CACNA1A: variants seen among roughly 807,000 people sequenced by gnomAD.
CACNA1A encodes the protein calcium voltage-gated channel subunit alpha1 A.
Under a neutral mutation model 262.4 loss-of-function variants are expected in CACNA1A, and 57 were observed. The observed-to-expected ratio is 0.22, with a 90% CI of 0.18 to 0.27. CACNA1A has a LOEUF of 0.27. Ranked by LOEUF, CACNA1A falls within the 10% of genes least tolerant of loss-of-function variation. CACNA1A has a pLI of 1.00. For missense variants in CACNA1A, 2,526 were observed against 3,562.8 expected (o/e 0.71, Z 7.41); for synonymous variants, 1,431 against 1,419.3 (o/e 1.01, Z -0.18).
intron 1 of CACNA1A, among the ~76,000 whole-genome samples, chr19:13,457,553 A>C (rs1006662581): frequency 9.9e-5 from 15 of 152,198 alleles, no homozygotes; most frequent in South Asian, 4.1e-4. Flanking sequence ...ATTCAGCCAT[A>C]AAAAGGAATG....
rs1424294725 is a variant in CACNA1A at position 13,298,631 on chromosome 19, C to G, written c.3002G>C (p.Arg1001Pro). 3 of 1,526,744 alleles carry G rather than the reference C, an allele frequency of 2.0e-6. No individual in the cohort carries two copies. The East Asian group carries it at 8.1e-5, about 41-fold the overall frequency. 94.6% of individuals were successfully genotyped at this position (1,526,744 alleles called of 1,614,324 possible). ...GEGEGPDGGE[R>P]RRRHRHGAPA... is the part of the protein sequence containing the mutation. ...AGCGCCATGCCGGTGCCTTCTCCTG[C>G]GCTCGCCCCCGTCGGGGCCCTCGCC... The change falls in exon 19 of 47, where the codon CGC becomes CCC. Residue 1001 changes from arginine (R) to proline (P), a missense_variant. Arg to Pro is a moderately radical substitution (Grantham distance 103). Coordinates refer to ENST00000360228, the MANE Select transcript of CACNA1A (RefSeq NM_001127222.2).
intron 33 of CACNA1A, 85 bp downstream of exon 33, chr19:13,235,124 G>T: frequency 6.4e-7 from 1 of 1,551,152 alleles, no homozygotes; most frequent in South Asian, 1.1e-5. Flanking sequence ...CTGCTTCTGT[G>T]AACCAGGCTC....
At chr19:13,350,719 C>A (rs1053840646) in intron 6 of CACNA1A, among the ~76,000 whole-genome samples, 4 of 151,846 alleles carry the variant, frequency 2.6e-5, no homozygotes, top group African/African-American at 4.9e-5. Flanking sequence ...AAAAAAAATT[C>A]TGGGCTGGTC....
At chr19:13,252,310 G>A (rs145451791) in intron 30 of CACNA1A, among the ~76,000 whole-genome samples, 2,154 of 152,008 alleles carry the variant, frequency 0.014, 14 homozygotes, top group Non-Finnish European at 0.016. Flanking sequence ...CTAGCTTCAA[G>A]CGATCCTCCT....
rs1243294971 is a variant in CACNA1A at position 13,496,304 on chromosome 19, G to C, written c.293+9628C>G. Reference sequence around the variant, plus strand: ...TAAGACCCAAACACTCCATGTCCTTGTAAGGCCCTCAGAGAAGCTAACCTA... The same window carrying C: ...TAAGACCCAAACACTCCATGTCCTTCTAAGGCCCTCAGAGAAGCTAACCTA... On this transcript the variant is annotated intron_variant, in intron 1 of 46. Transcript: ENST00000360228. Among the ~76,000 whole-genome samples, 3 of 152,174 alleles carry C rather than the reference G, an allele frequency of 2.0e-5. No individual in the cohort carries two copies. The East Asian group carries it at 5.8e-4, about 29-fold the overall frequency.
At chr19:13,229,207 T>C (rs576490387) in intron 36 of CACNA1A, 182 of 156,336 alleles carry the variant, frequency 1.2e-3, no homozygotes, top group Non-Finnish European at 2.1e-3. Flanking sequence ...GGAGTACTTG[T>C]TTGAGGCTAT....
chr19:13,283,472 GT>G, intron 21 of CACNA1A, 76 bp from the exon 22 acceptor site: 1 of 1,569,576 alleles, frequency 6.4e-7, no homozygotes, highest in Non-Finnish European at 8.7e-7. Flanking sequence ...ATAATCTCAT[GT>G]TACCTACCAC....
At chr19:13,303,662 G>T in intron 16 of CACNA1A, 49 bp from the exon 17 acceptor site, 1 of 1,590,062 alleles carries the variant, frequency 6.3e-7, no homozygotes, top group Non-Finnish European at 8.6e-7. Flanking sequence ...GACACCACTT[G>T]GGCCCTGGGT....
chr19:13,482,284 G>C (rs566915637), intron 1 of CACNA1A, among the ~76,000 whole-genome samples: 1 of 152,026 alleles, frequency 6.6e-6, no homozygotes, highest in Admixed American at 6.5e-5. Flanking sequence ...AGGAGATCGA[G>C]ACCATCCTGG....
At chr19:13,364,480 C>CA (rs1309616007) in intron 5 of CACNA1A, 1 of 152,202 alleles carries the variant, frequency 6.6e-6, no homozygotes, top group Admixed American at 6.5e-5. Context: ...TGAAAGCACC[C>CA]AGAATACCTG....
intron 4 of CACNA1A, 120 bp downstream of exon 4, chr19:13,371,568 A>C (rs1212886651): frequency 2.8e-6 from 2 of 707,590 alleles, no homozygotes; most frequent in Non-Finnish European, 4.9e-6. Flanking sequence ...CCCAAAGAAG[A>C]GACTGCCCTC....
chr19:13,214,415 G>T lies in CACNA1A; in HGVS notation c.5840-82C>A, dbSNP rs17846925. 3.0e-5 allele frequency: 46 copies of T among 1,546,714 alleles called. 1 individual carries two copies. Among genetic ancestry groups the T allele is most frequent in the East Asian group, 2.7e-4 (12 of 44,086 alleles). On this transcript the variant is annotated intron_variant, in intron 39 of 46. Transcript: ENST00000360228. This position sits in a 1 kb window ranked among gnomAD's most constrained non-coding sequence, Gnocchi z 4.1. ...CTGGGTCCCTGTGTATACCAGCCCA[G>T]GCCAACACTCTCCCCAGGCCTCCCC... is the stretch of plus-strand genomic sequence containing the variant.
Position 13,253,100 on chromosome 19 carries a change from A to T in CACNA1A, c.4757T>A (p.Phe1586Tyr), listed in dbSNP as rs772515380. 3 of 1,600,272 alleles carry T rather than the reference A, an allele frequency of 1.9e-6. 1 individual carries two copies. In the South Asian group the frequency reaches 3.3e-5, roughly 18 times the overall value. ...TTCATAAGCAACAGAAGCCCCATAG[A>T]ACTAGGGGAAAGAAGCAGGAGTAGC... ...ALNTIVLMMK[F>Y]YGASVAYENA... The change falls in exon 30 of 47, where the codon TTC becomes TAC. Residue 1586 changes from phenylalanine (F) to tyrosine (Y), a missense_variant and splice_region_variant. This residue lies in a region of CACNA1A where 66 missense variants were observed against 195.8 expected (regional missense o/e 0.34). Coordinates refer to ENST00000360228, the MANE Select transcript of CACNA1A (RefSeq NM_001127222.2).
Position 13,308,334 on chromosome 19 carries a change from T to C in CACNA1A, c.1781+82A>G. 3 of 1,558,784 alleles carry C rather than the reference T, an allele frequency of 1.9e-6. No individual in the cohort carries two copies. Among genetic ancestry groups the C allele is most frequent in the African/African-American group, 1.4e-5 (1 of 73,878 alleles). On this transcript the variant is annotated intron_variant, in intron 13 of 46. Transcript: ENST00000360228. The surrounding 1 kb of genome is among the most constrained non-coding windows in gnomAD (Gnocchi z 4.2). Reference sequence around the variant, plus strand: ...TCAGCCCTCGAAACACGAGGCTCACTTTCCCAACTTTCTGGAGGCGGCCCC... The same window carrying C: ...TCAGCCCTCGAAACACGAGGCTCACCTTCCCAACTTTCTGGAGGCGGCCCC...
At chr19:13,265,241 G>A (rs970026382) in intron 24 of CACNA1A, among the ~76,000 whole-genome samples, 4 of 152,316 alleles carry the variant, frequency 2.6e-5, no homozygotes, top group South Asian at 4.1e-4. Flanking sequence ...CTCAGGACAC[G>A]TGAATGCCTC....
chr19:13,342,411 G>C (rs764791438), intron 6 of CACNA1A, among the ~76,000 whole-genome samples: 3 of 152,216 alleles, frequency 2.0e-5, no homozygotes, highest in Non-Finnish European at 2.9e-5. Context: ...TCGGGAAGGA[G>C]AGTGGGGGAG....
At chr19:13,232,993 G>C (rs1421991750) in intron 34 of CACNA1A, among the ~76,000 whole-genome samples, 1 of 151,000 alleles carries the variant, frequency 6.6e-6, no homozygotes, top group Non-Finnish European at 1.5e-5. Flanking sequence ...AAGTTGCGCC[G>C]AGCCGAGATC....
At chr19:13,418,301 C>T (rs1020894110) in intron 3 of CACNA1A, among the ~76,000 whole-genome samples, 6 of 152,094 alleles carry the variant, frequency 3.9e-5, no homozygotes, top group African/African-American at 7.2e-5. Flanking sequence ...CAGAACCCTT[C>T]AGGCATTCAG....
intron 3 of CACNA1A, among the ~76,000 whole-genome samples, chr19:13,441,280 A>G (rs966996431): frequency 2.0e-5 from 3 of 152,152 alleles, no homozygotes; most frequent in African/African-American, 4.8e-5. Flanking sequence ...TTACGTGTCT[A>G]TGTAGACTGG....
Sources: gnomAD v4.1 joint callset for allele counts (sites outside exome capture counted in the v4.1 genomes callset) on GRCh38, gnomAD v4.1.1 for gene constraint, gnomAD v4.1.1 regional missense constraint, Gnocchi (gnomAD v3.1) non-coding constraint, MANE v1.5 for transcripts, NCBI Gene and HGNC (gene_info 2026-07-23, HGNC 2026-07-21) for gene names.